Variants in NR6A1 observed in about 807,000 individuals in gnomAD.
NR6A1 encodes nuclear receptor subfamily 6 group A member 1.
Under a neutral mutation model 59.1 loss-of-function variants are expected in NR6A1, and 7 were observed. The ratio of observed to expected loss-of-function variants is 0.12; its 90% confidence interval spans 0.07 to 0.22. NR6A1 has a LOEUF of 0.22. Among genes scored for constraint, NR6A1 ranks in the 10% least tolerant of loss-of-function variants. NR6A1 has a pLI of 1.00. For synonymous variants in NR6A1, 243 were observed against 236.1 expected (o/e 1.03, Z -0.27); for missense variants, 468 against 611.6 (o/e 0.77, Z 2.48).
intron 1 of NR6A1, among the ~76,000 whole-genome samples, chr9:124,735,214 C>T (rs189702444): frequency 6.6e-6 from 1 of 152,332 alleles, no homozygotes; most frequent in Non-Finnish European, 1.5e-5. Flanking sequence ...TCTTGCCTTT[C>T]TGTGAGTCCT....
intron 2 of NR6A1, among the ~76,000 whole-genome samples, chr9:124,555,232 T>A (rs548163973): frequency 6.6e-6 from 1 of 152,278 alleles, no homozygotes; most frequent in Admixed American, 6.5e-5. Context: ...AAATTCAGGA[T>A]AGAATATAGC....
At chr9:124,532,521 C>G (rs1428014318) in intron 7 of NR6A1, among the ~76,000 whole-genome samples, 3 of 152,204 alleles carry the variant, frequency 2.0e-5, no homozygotes, top group African/African-American at 7.2e-5. Context: ...AGTCAGAAAC[C>G]ATGTCTGCAT....
chr9:124,617,184 T>C (rs1238502499), intron 2 of NR6A1, among the ~76,000 whole-genome samples: 1 of 152,196 alleles, frequency 6.6e-6, no homozygotes, highest in African/African-American at 2.4e-5. Context: ...CTGCCAATCA[T>C]TCAGCTAATT....
chr9:124,760,134 A>C (rs1407529677), intron 1 of NR6A1, among the ~76,000 whole-genome samples: 1 of 151,766 alleles, frequency 6.6e-6, no homozygotes, highest in African/African-American at 2.4e-5. Context: ...CAACATGGTG[A>C]AATCTCGTCT....
At chr9:124,662,029 G>A (rs1837452553) in intron 2 of NR6A1, among the ~76,000 whole-genome samples, 1 of 150,992 alleles carries the variant, frequency 6.6e-6, no homozygotes, top group Non-Finnish European at 1.5e-5. Context: ...TGACAAGTAT[G>A]ACAAGATAGC....
chr9:124,754,801 A>G (rs1249940336), intron 1 of NR6A1, among the ~76,000 whole-genome samples: 1 of 152,132 alleles, frequency 6.6e-6, no homozygotes, highest in Non-Finnish European at 1.5e-5. Flanking sequence ...TTACTTACAG[A>G]TAAGGAAATT....
intron 2 of NR6A1, among the ~76,000 whole-genome samples, chr9:124,580,441 A>G (rs1455233598): frequency 6.6e-6 from 1 of 152,084 alleles, no homozygotes; most frequent in Non-Finnish European, 1.5e-5. Flanking sequence ...TTTTTGAGGT[A>G]AAGAAATGGT....
intron 1 of NR6A1, among the ~76,000 whole-genome samples, chr9:124,763,573 T>C (rs2131201461): frequency 6.6e-6 from 1 of 152,334 alleles, no homozygotes; most frequent in Non-Finnish European, 1.5e-5. Context: ...CAAACAATAG[T>C]AATGAATGGT....
intron 2 of NR6A1, among the ~76,000 whole-genome samples, chr9:124,649,074 T>A (rs1365781818): frequency 6.6e-6 from 1 of 151,842 alleles, no homozygotes; most frequent in Non-Finnish European, 1.5e-5. Context: ...CCAATGACAT[T>A]CTTCGCAGAA....
chr9:124,591,191 TTC>T (rs1835111862), intron 2 of NR6A1, among the ~76,000 whole-genome samples: 1 of 152,188 alleles, frequency 6.6e-6, no homozygotes, highest in Non-Finnish European at 1.5e-5. Context: ...CACCCAAGAA[TTC>T]TCTTTTTCTT....
At chr9:124,712,481 G>A (rs1450175029) in intron 2 of NR6A1, among the ~76,000 whole-genome samples, 8 of 151,748 alleles carry the variant, frequency 5.3e-5, no homozygotes, top group Admixed American at 1.3e-4. Flanking sequence ...GGTGACACAC[G>A]CCTGTAGTCC....
chr9:124,605,281 GA>G (rs1835547468), intron 2 of NR6A1, among the ~76,000 whole-genome samples: 1 of 152,258 alleles, frequency 6.6e-6, no homozygotes, highest in Non-Finnish European at 1.5e-5. Context: ...CTTAGAGGGG[GA>G]AAAAAGATGG....
intron 1 of NR6A1, among the ~76,000 whole-genome samples, chr9:124,739,416 C>T (rs552970927): frequency 1.3e-5 from 2 of 152,276 alleles, no homozygotes; most frequent in South Asian, 4.1e-4. Context: ...TTATTTCATA[C>T]AAGAGAAAGT....
intron 2 of NR6A1, among the ~76,000 whole-genome samples, chr9:124,597,849 A>AT (rs1427893511): frequency 6.6e-6 from 1 of 152,036 alleles, no homozygotes; most frequent in Non-Finnish European, 1.5e-5. Flanking sequence ...AATCTTATTT[A>AT]TTTTTTTATT....
At chr9:124,696,200 TA>T (rs1838754508) in intron 2 of NR6A1, among the ~76,000 whole-genome samples, 1 of 152,138 alleles carries the variant, frequency 6.6e-6, no homozygotes, top group Non-Finnish European at 1.5e-5. Context: ...TTTTAAATGC[TA>T]AACTCAGCAA....
chr9:124,698,306 G>C (rs1588800377), intron 2 of NR6A1: 1 of 152,060 alleles, frequency 6.6e-6, no homozygotes, highest in African/African-American at 2.4e-5. Flanking sequence ...GAAAAACAAA[G>C]ATTTCTTTTA....
chr9:124,667,016 G>A (rs961116970), intron 2 of NR6A1, among the ~76,000 whole-genome samples: 3 of 151,650 alleles, frequency 2.0e-5, no homozygotes, highest in East Asian at 1.9e-4. Flanking sequence ...TACAAATTGC[G>A]AATATTACTA....
At chr9:124,695,518 C>G (rs1838722273) in intron 2 of NR6A1, among the ~76,000 whole-genome samples, 1 of 152,044 alleles carries the variant, frequency 6.6e-6, no homozygotes, top group African/African-American at 2.4e-5. Context: ...GGCCCGCCAC[C>G]ACACCCAGTC....
At chr9:124,647,047 T>C (rs1179195253) in intron 2 of NR6A1, among the ~76,000 whole-genome samples, 1 of 152,168 alleles carries the variant, frequency 6.6e-6, no homozygotes, top group Non-Finnish European at 1.5e-5. Context: ...TCCCAGTAGC[T>C]AGGACTACAG....
Sources: allele counts gnomAD v4.1 joint callset (sites outside exome capture counted in the v4.1 genomes callset), GRCh38; gene constraint gnomAD v4.1.1; transcripts MANE v1.5; gene names NCBI Gene and HGNC (gene_info 2026-07-23, HGNC 2026-07-21).